FAM210A: variants seen among roughly 807,000 people sequenced by gnomAD.
The protein encoded by FAM210A is family with sequence similarity 210 member A.
In FAM210A, 13 loss-of-function variants were observed where a neutral mutation model predicts 25.3. The ratio of observed to expected loss-of-function variants is 0.51; its 90% confidence interval spans 0.33 to 0.82. The LOEUF is 0.82. FAM210A is among the 40% of genes least tolerant of loss of function. The pLI is 0.02. For missense variants in FAM210A, 319 were observed against 323.2 expected (o/e 0.99, Z 0.10); for synonymous variants, 125 against 118.7 (o/e 1.05, Z -0.35).
At position 13,666,687 on chromosome 18, in the gene FAM210A, C is replaced by T. The variant is rs1264824974; in HGVS notation, c.612G>A (p.Val204=). 1 of 1,613,974 alleles carries T rather than the reference C, an allele frequency of 6.2e-7. No homozygotes were observed. The highest frequency in any genetic ancestry group is 1.1e-5 in the South Asian group (1 of 91,052). Residue 204 remains valine (V), a synonymous_variant, in exon 4 of 4, where the codon GTG becomes GTA. Coordinates refer to ENST00000651643, the MANE Select transcript of FAM210A (RefSeq NM_152352.4). ...FKIATPARYT[V]TLGGTSVTVK... ...CAGTGACAGATGTTCCTCCCAAAGTCACGGTATACCGAGCAGGTGTTGCAA... is the reference window on the plus strand; with the variant it reads ...CAGTGACAGATGTTCCTCCCAAAGTTACGGTATACCGAGCAGGTGTTGCAA...
chr18:13,671,770 T>C (rs2043444686), intron 3 of FAM210A, 92 bp downstream of exon 3: 1 of 713,514 alleles, frequency 1.4e-6, no homozygotes, highest in Admixed American at 2.2e-5. Context: ...AGTTACGAAA[T>C]ACAATTGGAA....
chr18:13,724,531 CA>C (rs2043919049), intron 1 of FAM210A, among the ~76,000 whole-genome samples: 1 of 152,140 alleles, frequency 6.6e-6, no homozygotes, highest in African/African-American at 2.4e-5. Context: ...TCCAGAAAAC[CA>C]GAGATTACTC....
intron 1 of FAM210A, among the ~76,000 whole-genome samples, chr18:13,715,564 T>C (rs1179757150): frequency 2.0e-5 from 3 of 152,190 alleles, no homozygotes; most frequent in Admixed American, 2.0e-4. Context: ...TCACTTTCAT[T>C]ATACTGTGAG....
chr18:13,670,716 G>A (rs996454705), intron 3 of FAM210A, among the ~76,000 whole-genome samples: 5 of 152,132 alleles, frequency 3.3e-5, no homozygotes, highest in African/African-American at 7.2e-5. Flanking sequence ...CTGTCAGGCC[G>A]GCTGCAGTGG....
At chr18:13,702,472 A>C (rs959368839) in intron 1 of FAM210A, among the ~76,000 whole-genome samples, 2 of 152,204 alleles carry the variant, frequency 1.3e-5, no homozygotes, top group Non-Finnish European at 2.9e-5. Context: ...CACACAAACA[A>C]AAAAACTGTA....
In FAM210A at chr18:13,666,640, C is replaced by T; in HGVS notation, c.659G>A (p.Gly220Asp). The T allele has an allele frequency of 5.0e-6, 8 of 1,614,196 alleles. No homozygotes were observed. The highest frequency in any genetic ancestry group is 1.7e-6 in the Non-Finnish European group (2 of 1,180,026). The change falls in exon 4 of 4, where the codon GGC becomes GAC. Residue 220 changes from glycine (G) to aspartate (D), a missense_variant. Transcript: ENST00000651643. ...GACGGGTGGCGGCGTGGACATGTAGCCATGACTGCGCAGATACTTCACAGT... is the reference window on the plus strand; with the variant it reads ...GACGGGTGGCGGCGTGGACATGTAGTCATGACTGCGCAGATACTTCACAGT... ...SVTVKYLRSH[G>D]YMSTPPPVKE...
chr18:13,668,729 C>T (rs2043420247), intron 3 of FAM210A, among the ~76,000 whole-genome samples: 1 of 152,164 alleles, frequency 6.6e-6, no homozygotes, highest in Non-Finnish European at 1.5e-5. Flanking sequence ...AGGCTACAAA[C>T]CTGTACAGCA....
chr18:13,695,545 T>C (rs1328266439), intron 1 of FAM210A, among the ~76,000 whole-genome samples: 2 of 152,144 alleles, frequency 1.3e-5, no homozygotes, highest in African/African-American at 4.8e-5. Flanking sequence ...TAAAAAAGGA[T>C]GAGTTAACGT....
rs45567346 is a variant in FAM210A, at chr18:13,726,028, G to A, written c.-29+301C>T. ...CCTCTTCAACTGGCTTCGGAAGAAG[G>A]GGGGAGAACACGGTGAAGGGTTACA... On this transcript the variant is annotated intron_variant, in intron 1 of 3. Coordinates refer to ENST00000651643, the MANE Select transcript of FAM210A (RefSeq NM_152352.4). 3.1e-3 allele frequency among the ~76,000 whole-genome samples: 475 copies of A among 152,336 alleles called. 2 individuals are homozygous for A. The highest frequency in any genetic ancestry group is 4.8e-3 in the Non-Finnish European group (325 of 68,036).
intron 1 of FAM210A, among the ~76,000 whole-genome samples, chr18:13,725,819 C>A (rs542701354): frequency 1.3e-5 from 2 of 152,268 alleles, no homozygotes; most frequent in East Asian, 1.9e-4. Flanking sequence ...GTTCAGCCAA[C>A]GCAGACTAAT....
chr18:13,719,511 G>A (rs4635400), intron 1 of FAM210A, among the ~76,000 whole-genome samples: 51,899 of 151,804 alleles, frequency 0.34, 10,837 homozygotes, highest in East Asian at 0.83. Context: ...ACTTCTCCGG[G>A]AGGATCCCTT....
At chr18:13,678,296 T>A (rs1480146180) in intron 2 of FAM210A, among the ~76,000 whole-genome samples, 1 of 152,002 alleles carries the variant, frequency 6.6e-6, no homozygotes, top group Non-Finnish European at 1.5e-5. Flanking sequence ...TTTTTTTTTT[T>A]AGATGGAGTT....
chr18:13,687,215 T>C (rs1349961931), intron 1 of FAM210A, among the ~76,000 whole-genome samples: 1 of 152,202 alleles, frequency 6.6e-6, no homozygotes, highest in Non-Finnish European at 1.5e-5. Context: ...TGGTGAAACC[T>C]TGGAAGCTGA....
chr18:13,716,340 C>T (rs2043861321), intron 1 of FAM210A, among the ~76,000 whole-genome samples: 3 of 152,198 alleles, frequency 2.0e-5, no homozygotes, highest in Admixed American at 6.5e-5. Flanking sequence ...GAGCCCCCAG[C>T]TCCAATGATG....
At chr18:13,691,702 T>C (rs2149061272) in intron 1 of FAM210A, among the ~76,000 whole-genome samples, 1 of 149,724 alleles carries the variant, frequency 6.7e-6, no homozygotes, top group East Asian at 1.9e-4. Context: ...AAGCAAATGC[T>C]GAGAGATTTT....
chr18:13,711,398 AC>A (rs993536575), intron 1 of FAM210A, among the ~76,000 whole-genome samples: 2 of 151,372 alleles, frequency 1.3e-5, no homozygotes, highest in East Asian at 1.9e-4. Flanking sequence ...ACAAAAAACA[AC>A]CCCCCCAATC....
intron 1 of FAM210A, among the ~76,000 whole-genome samples, chr18:13,704,722 A>G (rs2069487378): frequency 6.6e-6 from 1 of 152,214 alleles, no homozygotes; most frequent in Non-Finnish European, 1.5e-5. Flanking sequence ...CTTTCAAGTT[A>G]TATTTTAGTG....
chr18:13,706,424 A>G (rs970212910), intron 1 of FAM210A, among the ~76,000 whole-genome samples: 1 of 152,024 alleles, frequency 6.6e-6, no homozygotes, highest in Admixed American at 6.6e-5. Context: ...AGCCAGCCTT[A>G]TATATGGATA....
intron 1 of FAM210A, among the ~76,000 whole-genome samples, chr18:13,691,961 T>C (rs1248268871): frequency 1.7e-5 from 2 of 120,906 alleles, no homozygotes; most frequent in African/African-American, 6.4e-5. Flanking sequence ...GACTGGCAAA[T>C]TGGATAAAGA....
Sources: allele counts gnomAD v4.1 joint callset (sites outside exome capture counted in the v4.1 genomes callset), GRCh38; gene constraint gnomAD v4.1.1; transcripts MANE v1.5; gene names NCBI Gene and HGNC (gene_info 2026-07-23, HGNC 2026-07-21).